PDE4D: variants seen among roughly 807,000 people sequenced by gnomAD.
The protein encoded by PDE4D is phosphodiesterase 4D.
PDE4D carries 24 observed loss-of-function variants against 87.4 expected under a neutral mutation model. That is an observed-to-expected ratio of 0.27 (90% confidence interval 0.20 to 0.39). The LOEUF (loss-of-function observed/expected upper bound fraction) is 0.39, where lower values mean the gene tolerates loss of function less well. Ranked by LOEUF, PDE4D falls within the 10% of genes least tolerant of loss-of-function variation. PDE4D has a pLI of 1.00. For synonymous variants in PDE4D, 384 were observed against 383.2 expected, an observed-to-expected ratio of 1.00 and a Z score of -0.02; for missense variants, 714 against 1,041.0, an observed-to-expected ratio of 0.69 and a Z score of 4.32.
At chr5:60,045,656 A>G (rs1348361669) in intron 2 of PDE4D, among the ~76,000 whole-genome samples, 1 of 152,234 alleles carries the variant, frequency 6.6e-6, no homozygotes, top group African/African-American at 2.4e-5. Flanking sequence ...CAGGTTTGAC[A>G]AAGATCAGAT....
intron 5 of PDE4D, among the ~76,000 whole-genome samples, chr5:59,115,736 G>T (rs1395483591): frequency 2.6e-5 from 4 of 152,026 alleles, no homozygotes; most frequent in Non-Finnish European, 5.9e-5. Flanking sequence ...TAATAATTGA[G>T]GTATAATAGA....
At chr5:60,293,630 C>G (rs114624032) in intron 1 of PDE4D, among the ~76,000 whole-genome samples, 1 of 152,190 alleles carries the variant, frequency 6.6e-6, no homozygotes, top group Admixed American at 6.5e-5. Flanking sequence ...CAGAGGCTAA[C>G]CTTTTTCCCT....
Position 59,242,875 on chromosome 5 carries a change from G to A in PDE4D, c.456-26907C>T, listed in dbSNP as rs116625131. Among the ~76,000 whole-genome samples the A allele has an allele frequency of 4.7e-3, 716 of 152,230 alleles. 12 individuals are homozygous for A. Among genetic ancestry groups the A allele is most frequent in the Non-Finnish European group, 4.8e-3 (326 of 68,016 alleles). On this transcript the variant is annotated intron_variant, in intron 1 of 14. Coordinates refer to ENST00000340635, the MANE Select transcript of PDE4D (RefSeq NM_001104631.2). ...AGCATCAACATAAGAATTCTCCATCGTTATACTGGCTTTTCTCACAATATG... is the reference window on the plus strand; with the variant it reads ...AGCATCAACATAAGAATTCTCCATCATTATACTGGCTTTTCTCACAATATG...
At chr5:60,029,500 A>G (rs1766988490) in intron 2 of PDE4D, among the ~76,000 whole-genome samples, 1 of 152,140 alleles carries the variant, frequency 6.6e-6, no homozygotes, top group African/African-American at 2.4e-5. Flanking sequence ...CTTCTTACAT[A>G]CATTGATTGA....
intron 1 of PDE4D, among the ~76,000 whole-genome samples, chr5:59,288,723 A>T (rs942103829): frequency 6.6e-6 from 1 of 152,128 alleles, no homozygotes; most frequent in Non-Finnish European, 1.5e-5. Flanking sequence ...TAAAGAAAAA[A>T]CATACACTGG....
intron 11 of PDE4D, among the ~76,000 whole-genome samples, chr5:58,987,360 C>T (rs1186054587): frequency 1.3e-5 from 2 of 152,142 alleles, no homozygotes; most frequent in East Asian, 3.9e-4. Flanking sequence ...ACTTGACTAA[C>T]CACACATCTC....
At chr5:59,370,794 T>A (rs1783816456) in intron 1 of PDE4D, among the ~76,000 whole-genome samples, 1 of 152,222 alleles carries the variant, frequency 6.6e-6, no homozygotes, top group Non-Finnish European at 1.5e-5. Context: ...ATTAATTCAC[T>A]GTTCTGAGAG....
chr5:59,525,836 C>T lies in PDE4D; in HGVS notation c.456-309868G>A, dbSNP rs578182590. ...TTTTTCCCCCTTTCCTCTGCACTTC[C>T]CTCCCCTGCCGCCATGTGAATAAGA... On this transcript the variant is annotated intron_variant, in intron 1 of 14. Transcript: ENST00000340635. Among the ~76,000 whole-genome samples the T allele has an allele frequency of 1.4e-3, 216 of 152,250 alleles. 1 individual carries two copies. Among genetic ancestry groups the T allele is most frequent in the African/African-American group, 4.9e-3 (205 of 41,546 alleles).
intron 1 of PDE4D, among the ~76,000 whole-genome samples, chr5:59,773,428 G>A (rs1763773001): frequency 6.6e-6 from 1 of 152,134 alleles, no homozygotes; most frequent in African/African-American, 2.4e-5. Context: ...GGTCCCCTGA[G>A]TTCTTGATCT....
chr5:59,617,948 C>G (rs1393200179), intron 1 of PDE4D, among the ~76,000 whole-genome samples: 1 of 152,150 alleles, frequency 6.6e-6, no homozygotes, highest in East Asian at 1.9e-4. Flanking sequence ...GCTCATTCTA[C>G]TTCTAGCTTT....
chr5:60,509,688 T>C (rs993599948), intron 1 of PDE4D, among the ~76,000 whole-genome samples: 1 of 152,166 alleles, frequency 6.6e-6, no homozygotes, highest in African/African-American at 2.4e-5. Flanking sequence ...AGCTTCTGCA[T>C]TTTTCTCTCC....
At chr5:59,599,672 C>A (rs867365566) in intron 1 of PDE4D, among the ~76,000 whole-genome samples, 2 of 151,954 alleles carry the variant, frequency 1.3e-5, no homozygotes. Context: ...AAATTGTAAC[C>A]CAAAACTCTA....
At chr5:60,143,135 T>C (rs1195202196) in intron 2 of PDE4D, among the ~76,000 whole-genome samples, 1 of 152,180 alleles carries the variant, frequency 6.6e-6, no homozygotes, top group South Asian at 2.1e-4. Context: ...TTCTACTCTA[T>C]GGGCTTTCTG....
chr5:60,112,205 GATTA>G (rs1777753973), intron 2 of PDE4D, among the ~76,000 whole-genome samples: 1 of 152,012 alleles, frequency 6.6e-6, no homozygotes, highest in Non-Finnish European at 1.5e-5. Context: ...TTAAAAAACT[GATTA>G]ATTATACTTT....
chr5:60,374,285 C>A (rs1220414733), intron 1 of PDE4D, among the ~76,000 whole-genome samples: 1 of 151,976 alleles, frequency 6.6e-6, no homozygotes, highest in Non-Finnish European at 1.5e-5. Flanking sequence ...TGCCATCTCT[C>A]TCCCCCCAAA....
At chr5:60,460,004 T>C in intron 1 of PDE4D, 1 of 1,012,820 alleles carries the variant, frequency 9.9e-7, no homozygotes, top group South Asian at 1.3e-5. Flanking sequence ...TCATCATCCA[T>C]ATCGGGAACC....
chr5:59,781,959 C>T (rs772183615), intron 1 of PDE4D, among the ~76,000 whole-genome samples: 37 of 152,102 alleles, frequency 2.4e-4, no homozygotes, highest in Non-Finnish European at 4.4e-5. Context: ...TTCCATCATA[C>T]AGATGCAATA....
chr5:58,987,881 C>CACAG (rs1746856721), intron 11 of PDE4D, among the ~76,000 whole-genome samples: 2 of 152,188 alleles, frequency 1.3e-5, no homozygotes, highest in African/African-American at 4.8e-5. Context: ...ACATTCCCTA[C>CACAG]ACAGGCTTTC....
intron 6 of PDE4D, among the ~76,000 whole-genome samples, chr5:59,012,084 C>G (rs1195385574): frequency 1.3e-5 from 2 of 152,150 alleles, no homozygotes; most frequent in Admixed American, 1.3e-4. Context: ...AAATAAAATC[C>G]TTTACAGACA....
Sources: allele counts gnomAD v4.1 joint callset (sites outside exome capture counted in the v4.1 genomes callset), GRCh38; gene constraint gnomAD v4.1.1; transcripts MANE v1.5; gene names NCBI Gene and HGNC (gene_info 2026-07-23, HGNC 2026-07-21).